EEF1B2: variants seen among roughly 807,000 people sequenced by gnomAD.
EEF1B2 encodes the protein elongation factor 1-beta.
A neutral mutation model predicts 28.3 loss-of-function variants in EEF1B2; 12 were observed. The observed-to-expected ratio is 0.42, with a 90% confidence interval of 0.27 to 0.69. The LOEUF (loss-of-function observed/expected upper bound fraction) is 0.69, where lower values mean the gene tolerates loss of function less well. Among genes scored for constraint, EEF1B2 ranks in the 30% least tolerant of loss-of-function variants. The pLI is 0.22. For missense variants in EEF1B2, 234 were observed against 272.6 expected, an observed-to-expected ratio of 0.86 and a Z score of 1.00; for synonymous variants, 83 against 99.9, an observed-to-expected ratio of 0.83 and a Z score of 1.01.
At chr2:206,161,038 G>C in intron 2 of EEF1B2, 1 of 613,108 alleles carries the variant, frequency 1.6e-6, no homozygotes, top group Non-Finnish European at 3.0e-6. Context: ...AAGGGTGGAA[G>C]TTTGGGGAAG....
chr2:206,161,106 A>T (rs1373647684), intron 2 of EEF1B2: 1 of 585,304 alleles, frequency 1.7e-6, no homozygotes, highest in Non-Finnish European at 3.0e-6. Flanking sequence ...TCAAACAGAA[A>T]TGTTCATACT....
Position 206,161,099 on chromosome 2 carries a change from A to C in EEF1B2, c.204-247A>C, listed in dbSNP as rs879067113. ...ACTGAGCATACTTAATGAAATCTCAAACAGAAATGTTCATACTGAAAGAGT... is the reference window on the plus strand; with the variant it reads ...ACTGAGCATACTTAATGAAATCTCACACAGAAATGTTCATACTGAAAGAGT... On this transcript the variant is annotated intron_variant, in intron 2 of 5. Coordinates refer to ENST00000392222, the MANE Select transcript of EEF1B2 (RefSeq NM_001959.4). The C allele has an allele frequency of 8.6e-6, 5 of 581,410 alleles. No individual in the cohort carries two copies. The South Asian group carries it at 9.6e-5, about 11-fold the overall frequency. The allele number at this position is 581,410 out of a possible 1,614,324, so 36.0% of individuals were successfully genotyped here. A position where few individuals can be genotyped will look rare whatever the true frequency, so the allele number is the denominator to read the frequency against.
Position 206,159,917 on chromosome 2 carries a change from G to T in EEF1B2, c.-63G>T. 1.3e-6 allele frequency: 2 copies of T among 1,581,256 alleles called. No individual in the cohort carries two copies. Among genetic ancestry groups the T allele is most frequent in the Non-Finnish European group, 8.6e-7 (1 of 1,163,030 alleles). On this transcript the variant is annotated 5_prime_UTR_variant, in exon 1 of 6. Coordinates refer to ENST00000392222, the MANE Select transcript of EEF1B2 (RefSeq NM_001959.4). The stretch of plus-strand genomic sequence containing the variant: ...GGTCCTTTTTCCTCTCTTCAGCGTG[G>T]GGCGCCCACAATTTGCGCGCTCTCT...
rs1296096007 is a variant in EEF1B2 at position 206,160,057 on chromosome 2, G to A, written c.78G>A (p.Glu26=). The change falls in exon 1 of 6, where the codon GAG becomes GAA. Residue 26 remains glutamate, a splice_region_variant and synonymous_variant. Coordinates refer to ENST00000392222, the MANE Select transcript of EEF1B2 (RefSeq NM_001959.4). ...ACCTGGCGGACAAGAGCTACATCGA[G>A]GGGTGAGCGGACGGGCTGAGTCGGG... ...NDYLADKSYI[E]GYVPSQADVA... is the part of the protein sequence containing the mutation. The A allele has an allele frequency of 6.2e-7, 1 of 1,612,050 alleles. No homozygotes were observed. The highest frequency in any genetic ancestry group is 8.5e-7 in the Non-Finnish European group (1 of 1,179,192).
At position 206,162,751 on chromosome 2, in the gene EEF1B2, C is replaced by T. The variant is rs374217450; in HGVS notation, c.546C>T (p.Tyr182=). 6.3e-5 allele frequency: 101 copies of T among 1,612,814 alleles called. No individual in the cohort carries two copies. Among genetic ancestry groups the T allele is most frequent in the Non-Finnish European group, 7.5e-5 (89 of 1,179,924 alleles). ...TAGCTAAACTAGTTCCAGTGGGATA[C>T]GGAATTAAGAAACTTCAAATACAGT... ...WGSSKLVPVG[Y]GIKKLQIQCV... is the part of the protein sequence containing the mutation. Residue 182 remains tyrosine (Y), a synonymous_variant, in exon 6 of 6, where the codon TAC becomes TAT. Coordinates refer to ENST00000392222, the MANE Select transcript of EEF1B2 (RefSeq NM_001959.4).
chr2:206,162,303 A>G (rs1687956811), intron 4 of EEF1B2, 186 bp from the exon 5 acceptor site: 1 of 1,161,828 alleles, frequency 8.6e-7, no homozygotes, highest in Admixed American at 1.7e-5. Context: ...AACTGTTAAC[A>G]CAAACACCTC....
chr2:206,161,406 A>G lies in EEF1B2; in HGVS notation c.264A>G (p.Thr88=), dbSNP rs1055594685. The G allele has an allele frequency of 6.2e-7, 1 of 1,614,028 alleles. No homozygotes were observed. The highest frequency in any genetic ancestry group is 8.5e-7 in the Non-Finnish European group (1 of 1,180,002). ...GTCCTGCCGATGTGGAAGACACTACAGGAAGTGGAGCTACAGATAGTAAAG... is the reference window on the plus strand; with the variant it reads ...GTCCTGCCGATGTGGAAGACACTACGGGAAGTGGAGCTACAGATAGTAAAG... ...KYGPADVEDT[T]GSGATDSKDD... The change falls in exon 3 of 6, where the codon ACA becomes ACG. Residue 88 remains threonine, a synonymous_variant. Transcript: ENST00000392222.
At chr2:206,161,709 G>A in intron 3 of EEF1B2, 1 of 544,552 alleles carries the variant, frequency 1.8e-6, no homozygotes. Flanking sequence ...AGCGGAGGTT[G>A]CAGTGAGCCA....
At chr2:206,161,188 G>A in intron 2 of EEF1B2, 158 bp from the exon 3 acceptor site, 1 of 933,784 alleles carries the variant, frequency 1.1e-6, no homozygotes, top group South Asian at 1.6e-5. Context: ...GTGAGGAGTT[G>A]AACATATGAC....
intron 5 of EEF1B2, 22 bp downstream of exon 5, chr2:206,162,636 T>C (rs1378500860): frequency 6.3e-7 from 1 of 1,597,746 alleles, no homozygotes; most frequent in Non-Finnish European, 8.5e-7. Flanking sequence ...CTTTGCCTTT[T>C]TTTTTTTGAA....
chr2:206,162,634 T>A lies in EEF1B2; in HGVS notation c.523+20T>A, dbSNP rs199828966. Reference sequence around the variant, plus strand: ...GCTCATGTGAGTTTAGGCTTTGCCTTTTTTTTTTTGAAACTAACATCTGGA... The same window carrying A: ...GCTCATGTGAGTTTAGGCTTTGCCTATTTTTTTTTGAAACTAACATCTGGA... On this transcript the variant is annotated intron_variant, in intron 5 of 5. Coordinates refer to ENST00000392222, the MANE Select transcript of EEF1B2 (RefSeq NM_001959.4). 8.1e-5 allele frequency: 121 copies of A among 1,501,342 alleles called. No homozygotes were observed. In the African/African-American group the frequency reaches 1.5e-3, roughly 19 times the overall value. 93.0% of individuals were successfully genotyped at this position (1,501,342 alleles called of 1,614,324 possible).
At chr2:206,161,549 G>T in intron 3 of EEF1B2, 77 bp downstream of exon 3, 1 of 1,576,316 alleles carries the variant, frequency 6.3e-7, no homozygotes, top group Non-Finnish European at 8.6e-7. Flanking sequence ...TTGGGAGGCT[G>T]AGGCGGGTGG....
chr2:206,160,093 G>C (rs757536515), intron 1 of EEF1B2, 34 bp downstream of exon 1: 1 of 1,603,946 alleles, frequency 6.2e-7, no homozygotes, highest in South Asian at 1.1e-5. Flanking sequence ...GTGGCGGGGA[G>C]GTTTCTCCGC....
chr2:206,162,167 C>T (rs1018259786), intron 4 of EEF1B2, 63 bp downstream of exon 4: 16 of 1,517,066 alleles, frequency 1.1e-5, no homozygotes, highest in Non-Finnish European at 1.5e-5. Context: ...AAAGCTTGAC[C>T]TTGAAGTAAT....
chr2:206,161,482 C>A lies in EEF1B2; in HGVS notation c.330+10C>A. 1 of 1,613,358 alleles carries A rather than the reference C, an allele frequency of 6.2e-7. No individual in the cohort carries two copies. Among genetic ancestry groups the A allele is most frequent in the South Asian group, 1.1e-5 (1 of 91,044 alleles). ...ATCTGATGATGAGGAGGTATGGCGT[C>A]TTCTATAAAGAACATATCGGCCAGG... On this transcript the variant is annotated intron_variant, in intron 3 of 5. Transcript: ENST00000392222.
chr2:206,161,734 C>T, intron 3 of EEF1B2: 2 of 531,614 alleles, frequency 3.8e-6, no homozygotes, highest in East Asian at 3.6e-5. Flanking sequence ...CGTGCCACTG[C>T]ATCCAGCCTG....
intron 2 of EEF1B2, 103 bp downstream of exon 2, chr2:206,160,813 G>A: frequency 6.3e-7 from 1 of 1,577,462 alleles, no homozygotes; most frequent in Non-Finnish European, 8.7e-7. Flanking sequence ...GTTTTGTTGG[G>A]ATATTGTAAG....
At chr2:206,159,807 A>G, upstream of EEF1B2, 1 of 616,706 alleles carries the variant, frequency 1.6e-6, no homozygotes, top group South Asian at 2.3e-5. Flanking sequence ...TGGGAATGCA[A>G]AAGTACTTTG....
At chr2:206,160,089 G>A (rs1340109795) in intron 1 of EEF1B2, 30 bp downstream of exon 1, 1 of 1,605,724 alleles carries the variant, frequency 6.2e-7, no homozygotes, top group East Asian at 2.3e-5. Flanking sequence ...CGGGGTGGCG[G>A]GGAGGTTTCT....
Sources: allele counts gnomAD v4.1 joint callset, GRCh38; gene constraint gnomAD v4.1.1; transcripts MANE v1.5; gene names NCBI Gene and HGNC (gene_info 2026-07-23, HGNC 2026-07-21).